Variants in ASTN2 observed in about 807,000 individuals in gnomAD.
The protein encoded by ASTN2 is astrotactin-2.
ASTN2 carries 54 observed loss-of-function variants against 139.8 expected under a neutral mutation model. That is an observed-to-expected ratio of 0.39 (90% confidence interval 0.31 to 0.48). ASTN2 has a LOEUF of 0.48. Among genes scored for constraint, ASTN2 ranks in the 20% least tolerant of loss-of-function variants. The pLI, the probability that ASTN2 is intolerant of heterozygous loss-of-function variation, is 0.95. For missense variants in ASTN2, 1,565 were observed against 1,725.1 expected (o/e 0.91, Z 1.64); for synonymous variants, 756 against 719.5 (o/e 1.05, Z -0.81).
chr9:116,989,319 G>C lies in ASTN2; in HGVS notation c.1592-12534C>G, dbSNP rs570166600. Among the ~76,000 whole-genome samples, 7 of 152,248 alleles carry C rather than the reference G, an allele frequency of 4.6e-5. No homozygotes were observed. The South Asian group carries it at 1.5e-3, about 32-fold the overall frequency. ...ATCCAGAAGGGGTCAGAGAGGAGAG[G>C]GACCTTTGCTTTTCTCTAGTTAGGA... On this transcript the variant is annotated intron_variant, in intron 7 of 22. Coordinates refer to ENST00000313400, the MANE Select transcript of ASTN2 (RefSeq NM_001365068.1).
At chr9:116,840,149 C>T (rs1832164671) in intron 11 of ASTN2, among the ~76,000 whole-genome samples, 1 of 148,140 alleles carries the variant, frequency 6.8e-6, no homozygotes, top group Non-Finnish European at 1.5e-5. Flanking sequence ...TCCATTCAAC[C>T]CTGAGTGGAT....
intron 1 of ASTN2, among the ~76,000 whole-genome samples, chr9:117,399,090 G>A (rs1830754317): frequency 6.6e-6 from 1 of 152,120 alleles, no homozygotes; most frequent in African/African-American, 2.4e-5. Flanking sequence ...GACCCAAAAT[G>A]TAAAATTGAG....
intron 11 of ASTN2, among the ~76,000 whole-genome samples, chr9:116,861,898 A>G (rs1832891134): frequency 6.6e-6 from 1 of 151,374 alleles, no homozygotes; most frequent in African/African-American, 2.4e-5. Context: ...AAGGAGGGGG[A>G]TTCCAATGAC....
intron 10 of ASTN2, among the ~76,000 whole-genome samples, chr9:116,901,921 A>C (rs2132405599): frequency 6.6e-6 from 1 of 152,274 alleles, no homozygotes; most frequent in South Asian, 2.1e-4. Flanking sequence ...CCAGCTACTC[A>C]GGAGGCTGAG....
chr9:117,341,887 A>G (rs1829071780), intron 1 of ASTN2, among the ~76,000 whole-genome samples: 1 of 152,148 alleles, frequency 6.6e-6, no homozygotes, highest in Non-Finnish European at 1.5e-5. Context: ...ATTAGAGGTA[A>G]TGGAAGAAGA....
intron 10 of ASTN2, among the ~76,000 whole-genome samples, chr9:116,884,098 C>T (rs1355067608): frequency 2.0e-5 from 3 of 152,124 alleles, no homozygotes; most frequent in East Asian, 3.9e-4. Context: ...GAAGATCAAG[C>T]GGAGTGTGCC....
At chr9:117,189,389 T>C (rs1028200849) in intron 3 of ASTN2, among the ~76,000 whole-genome samples, 12 of 152,166 alleles carry the variant, frequency 7.9e-5, no homozygotes, top group Non-Finnish European at 1.3e-4. Flanking sequence ...AACGTTAAGA[T>C]GGCATTGACT....
chr9:117,111,864 T>C (rs956123041), intron 4 of ASTN2, among the ~76,000 whole-genome samples: 5 of 152,080 alleles, frequency 3.3e-5, no homozygotes, highest in Non-Finnish European at 4.4e-5. Context: ...ACTGTATTTT[T>C]TAAAGATGAC....
intron 10 of ASTN2, among the ~76,000 whole-genome samples, chr9:116,899,487 T>A (rs1335940118): frequency 1.3e-5 from 2 of 152,142 alleles, no homozygotes; most frequent in Non-Finnish European, 2.9e-5. Context: ...TCATGAACCA[T>A]CCTTTGCAAA....
At chr9:117,073,098 A>G (rs1246107421) in intron 5 of ASTN2, among the ~76,000 whole-genome samples, 2 of 152,200 alleles carry the variant, frequency 1.3e-5, no homozygotes, top group Admixed American at 1.3e-4. Flanking sequence ...ACAAATTCAA[A>G]CAAAATGAAA....
intron 3 of ASTN2, among the ~76,000 whole-genome samples, chr9:117,153,254 A>G (rs1458595094): frequency 6.6e-6 from 1 of 151,998 alleles, no homozygotes; most frequent in African/African-American, 2.4e-5. Context: ...AGAATGACTC[A>G]GGGTAGACTC....
intron 1 of ASTN2, among the ~76,000 whole-genome samples, chr9:117,398,940 T>A (rs1229488749): frequency 3.3e-5 from 5 of 152,082 alleles, no homozygotes; most frequent in Non-Finnish European, 7.4e-5. Context: ...CGCTGCCACA[T>A]CCAGCTAATT....
At chr9:116,686,340 C>A (rs1264351532) in intron 16 of ASTN2, among the ~76,000 whole-genome samples, 2 of 152,278 alleles carry the variant, frequency 1.3e-5, no homozygotes, top group African/African-American at 4.8e-5. Context: ...CACCTGAAGT[C>A]CTCAGCTGTA....
chr9:116,799,245 T>G (rs921040648), intron 13 of ASTN2, among the ~76,000 whole-genome samples: 7 of 152,064 alleles, frequency 4.6e-5, no homozygotes, highest in African/African-American at 1.7e-4. Flanking sequence ...AATGAGTGAG[T>G]GCTACTAACA....
chr9:117,151,945 C>T (rs1830334659), intron 3 of ASTN2, among the ~76,000 whole-genome samples: 1 of 152,150 alleles, frequency 6.6e-6, no homozygotes, highest in Non-Finnish European at 1.5e-5. Context: ...ATCCCAGATA[C>T]CCTGGGTGCA....
At chr9:116,747,489 C>T (rs1355208027) in intron 13 of ASTN2, among the ~76,000 whole-genome samples, 1 of 152,172 alleles carries the variant, frequency 6.6e-6, no homozygotes, top group Non-Finnish European at 1.5e-5. Flanking sequence ...ACCCTCTCAA[C>T]AACCTTGTGA....
chr9:117,310,685 G>A (rs1827946158), intron 1 of ASTN2, among the ~76,000 whole-genome samples: 1 of 152,108 alleles, frequency 6.6e-6, no homozygotes, highest in Non-Finnish European at 1.5e-5. Context: ...AGGCTGGAGT[G>A]CAGTGGTATG....
rs528699065 is a variant in ASTN2, at chr9:117,105,269, G to A, written c.1169-9118C>T. ...CTGAAAAGCAATAAAGCTTTTGTCTGGCTTTCTAAAAACACTGGTTCTCTA... is the reference window on the plus strand; with the variant it reads ...CTGAAAAGCAATAAAGCTTTTGTCTAGCTTTCTAAAAACACTGGTTCTCTA... On this transcript the variant is annotated intron_variant, in intron 4 of 22. Transcript: ENST00000313400. 3.9e-5 allele frequency among the ~76,000 whole-genome samples: 6 copies of A among 152,242 alleles called. No individual in the cohort carries two copies. The East Asian group carries it at 1.2e-3, about 29-fold the overall frequency.
intron 3 of ASTN2, among the ~76,000 whole-genome samples, chr9:117,184,031 G>T (rs1175970736): frequency 6.6e-6 from 1 of 152,122 alleles, no homozygotes; most frequent in Non-Finnish European, 1.5e-5. Flanking sequence ...TCTCCTCCTG[G>T]AATATCCATC....
Sources: gnomAD v4.1 joint callset for allele counts (sites outside exome capture counted in the v4.1 genomes callset) on GRCh38, gnomAD v4.1.1 for gene constraint, MANE v1.5 for transcripts, NCBI Gene and HGNC (gene_info 2026-07-23, HGNC 2026-07-21) for gene names.